Variants in MLXIP observed in about 807,000 individuals in gnomAD.
MLXIP encodes MLX interacting protein.
MLXIP carries 30 observed loss-of-function variants against 87.2 expected under a neutral mutation model. The observed-to-expected ratio is 0.34, with a 90% CI of 0.26 to 0.47. The LOEUF is 0.47. Ranked by LOEUF, MLXIP falls within the 20% of genes least tolerant of loss-of-function variation. The probability of loss-of-function intolerance (pLI) is 1.00; values close to 1 mark genes in which losing one functional copy is unlikely to be tolerated. For missense variants in MLXIP, 1,002 were observed against 1,240.1 expected (o/e 0.81, Z 2.88); for synonymous variants, 530 against 514.0 (o/e 1.03, Z -0.42).
chr12:122,124,703 A>G (rs1200722852), intron 1 of MLXIP, among the ~76,000 whole-genome samples: 1 of 151,766 alleles, frequency 6.6e-6, no homozygotes, highest in East Asian at 2.0e-4. Flanking sequence ...TGTACCTACT[A>G]TGTACTCATA....
intron 1 of MLXIP, among the ~76,000 whole-genome samples, chr12:122,120,816 C>T (rs1469042834): frequency 6.6e-6 from 1 of 151,934 alleles, no homozygotes; most frequent in Admixed American, 6.6e-5. Flanking sequence ...GTGAGATGCC[C>T]CACTCTACCT....
chr12:122,093,547 G>A (rs1952284280), intron 1 of MLXIP, among the ~76,000 whole-genome samples: 1 of 144,850 alleles, frequency 6.9e-6, no homozygotes, highest in Non-Finnish European at 1.5e-5. Context: ...TTTGGGGGGT[G>A]TGTTTGCGGT....
chr12:122,086,963 A>G (rs36139084), intron 1 of MLXIP, among the ~76,000 whole-genome samples: 63,410 of 152,000 alleles, frequency 0.42, 13,847 homozygotes, highest in Middle Eastern at 0.61. Context: ...CTTTTCTGGT[A>G]CAAAGCTCTG....
At position 122,135,470 on chromosome 12, in the gene MLXIP, G is replaced by C. The variant is rs763310713; in HGVS notation, c.1855-19G>C. 1 of 1,609,464 alleles carries C rather than the reference G, an allele frequency of 6.2e-7. No individual in the cohort carries two copies. The highest frequency in any genetic ancestry group is 2.2e-5 in the East Asian group (1 of 44,688). The stretch of plus-strand genomic sequence containing the variant: ...GTATATCAGCAGTCAGGGGTGACCT[G>C]TCTCCCATGTCACTGCAGGCTCCTG... On this transcript the variant is annotated intron_variant, in intron 10 of 16. Transcript: ENST00000319080. This position sits in a 1 kb window ranked among gnomAD's most constrained non-coding sequence, Gnocchi z 5.3.
intron 9 of MLXIP, chr12:122,134,995 T>C (rs764753365): frequency 1.4e-5 from 7 of 512,252 alleles, no homozygotes; most frequent in Non-Finnish European, 2.5e-5. Flanking sequence ...TTTTTAAAGT[T>C]AGTCACAACC....
chr12:122,125,027 G>A (rs1034748191), intron 1 of MLXIP, among the ~76,000 whole-genome samples: 2 of 152,176 alleles, frequency 1.3e-5, no homozygotes, highest in South Asian at 2.1e-4. Flanking sequence ...TTAGCTGGGT[G>A]TGGTGGCGCA....
chr12:122,099,919 A>G (rs773423869), intron 1 of MLXIP, among the ~76,000 whole-genome samples: 1 of 152,214 alleles, frequency 6.6e-6, no homozygotes, highest in Non-Finnish European at 1.5e-5. Context: ...TCCCCAAGTC[A>G]GGAACTTCGT....
At chr12:122,140,692 T>G in intron 15 of MLXIP, 1 of 557,320 alleles carries the variant, frequency 1.8e-6, no homozygotes, top group East Asian at 3.3e-5. Flanking sequence ...TGTTCCAGAC[T>G]AGAGACCTTC....
intron 1 of MLXIP, among the ~76,000 whole-genome samples, chr12:122,113,969 G>A (rs769804746): frequency 2.8e-4 from 42 of 148,050 alleles, no homozygotes; most frequent in Non-Finnish European, 3.9e-4. Context: ...ACAGGCGTGA[G>A]CCACTGCACC....
Position 122,079,228 on chromosome 12 carries a change from G to T in MLXIP, c.375G>T (p.Ser125=). The T allele has an allele frequency of 6.4e-7, 1 of 1,551,078 alleles. No individual in the cohort carries two copies. The highest frequency in any genetic ancestry group is 1.2e-5 in the South Asian group (1 of 84,044). ...CCTGCCACCTGTCCATCGACGCCTC[G>T]CTCACCAAGCTCTTCGAGTGCATGA... ...TSSCHLSIDA[S]LTKLFECMTL... Residue 125 remains serine (S), a synonymous_variant, in exon 1 of 17, where the codon TCG becomes TCT. Coordinates refer to ENST00000319080, the MANE Select transcript of MLXIP (RefSeq NM_014938.6).
At chr12:122,108,092 G>A (rs901866974) in intron 1 of MLXIP, among the ~76,000 whole-genome samples, 7 of 152,140 alleles carry the variant, frequency 4.6e-5, no homozygotes, top group African/African-American at 7.2e-5. Flanking sequence ...AATCAGGGCC[G>A]AAAGGGGTGG....
chr12:122,078,779 GC>G lies in MLXIP; in HGVS notation c.-73del, dbSNP rs917349460. 13 of 1,019,312 alleles carry G rather than the reference GC, an allele frequency of 1.3e-5. No homozygotes were observed. In the African/African-American group the frequency reaches 2.3e-4, roughly 18 times the overall value. The allele number at this position is 1,019,312 out of a possible 1,614,324, so 63.1% of individuals were successfully genotyped here. ...ACAGTCGGCGCGCGGGCCGGGCCGGGCCGGCGCCCCTCTGCCTCGCGCGCTT... is the reference window on the plus strand; with the variant it reads ...ACAGTCGGCGCGCGGGCCGGGCCGGGCGGCGCCCCTCTGCCTCGCGCGCTT... On this transcript the variant is annotated 5_prime_UTR_variant, in exon 1 of 17. Transcript: ENST00000319080.
chr12:122,080,583 C>G (rs1004505125), intron 1 of MLXIP, among the ~76,000 whole-genome samples: 3 of 152,176 alleles, frequency 2.0e-5, no homozygotes, highest in African/African-American at 7.2e-5. Flanking sequence ...TATTTCCTCT[C>G]TTGAAGGTTT....
chr12:122,101,695 C>T (rs1251274591), intron 1 of MLXIP, among the ~76,000 whole-genome samples: 4 of 151,282 alleles, frequency 2.6e-5, no homozygotes, highest in Admixed American at 6.6e-5. Context: ...ATTCTCCTGC[C>T]GCAGCCTCCC....
rs184683524 is a variant in MLXIP at position 122,086,746 on chromosome 12, C to T, written c.413+7480C>T. 1.3e-4 allele frequency among the ~76,000 whole-genome samples: 20 copies of T among 152,260 alleles called. No homozygotes were observed. In the East Asian group the frequency reaches 3.7e-3, roughly 28 times the overall value. ...CTGTGGAATGGGGTGCTGGTCACCT[C>T]ATGCTAATTCCAGGACTTCGAGGAC... On this transcript the variant is annotated intron_variant, in intron 1 of 16. Transcript: ENST00000319080.
chr12:122,134,050 C>T, intron 9 of MLXIP, 63 bp downstream of exon 9: 1 of 1,495,420 alleles, frequency 6.7e-7, no homozygotes, highest in Non-Finnish European at 8.9e-7. Flanking sequence ...TTTTCCCATC[C>T]CAAAGGCTTT....
chr12:122,118,774 G>C (rs1445498557), intron 1 of MLXIP, among the ~76,000 whole-genome samples: 1 of 151,908 alleles, frequency 6.6e-6, no homozygotes, highest in Non-Finnish European at 1.5e-5. Context: ...CTTGAACCCG[G>C]GAGGCGGAGG....
chr12:122,133,929 G>T lies in MLXIP; in HGVS notation c.1674G>T (p.Val558=), dbSNP rs773764178. Residue 558 remains valine, a synonymous_variant, in exon 9 of 17, where the codon GTG becomes GTT. Coordinates refer to ENST00000319080, the MANE Select transcript of MLXIP (RefSeq NM_014938.6). The surrounding 1 kb of genome is among the most constrained non-coding windows in gnomAD (Gnocchi z 4.9). ...GGCCTAAGCAGCCCCACAAAATAGT[G>T]CCTGCTCCCAAACCAGAGCCCGTGT... is the stretch of plus-strand genomic sequence containing the variant. ...GGRPKQPHKI[V]PAPKPEPVSL... The T allele has an allele frequency of 6.2e-7, 1 of 1,608,040 alleles. No homozygotes were observed. The highest frequency in any genetic ancestry group is 1.1e-5 in the South Asian group (1 of 89,988).
intron 1 of MLXIP, among the ~76,000 whole-genome samples, chr12:122,104,061 A>T (rs750099530): frequency 6.6e-6 from 1 of 152,228 alleles, no homozygotes; most frequent in Non-Finnish European, 1.5e-5. Flanking sequence ...GTACCAATTA[A>T]TAGTCCCACT....
Sources: gnomAD v4.1 joint callset for allele counts (sites outside exome capture counted in the v4.1 genomes callset) on GRCh38, gnomAD v4.1.1 for gene constraint, Gnocchi (gnomAD v3.1) non-coding constraint, MANE v1.5 for transcripts, NCBI Gene and HGNC (gene_info 2026-07-23, HGNC 2026-07-21) for gene names.